The following TUSC3 variants were observed in gnomAD, a reference collection of about 807,000 sequenced individuals.
TUSC3 encodes the protein dolichyl-diphosphooligosaccharide--protein glycosyltransferase subunit TUSC3.
Under a neutral mutation model 44.8 loss-of-function variants are expected in TUSC3, and 45 were observed. That is an observed-to-expected ratio of 1.00 (90% CI 0.79 to 1.29). The LOEUF is 1.29. TUSC3 is among the 50% of genes most tolerant of loss of function. The pLI, the probability that TUSC3 is intolerant of heterozygous loss-of-function variation, is 0.00. For missense variants in TUSC3, 519 were observed against 437.9 expected, an observed-to-expected ratio of 1.19 and a Z score of -1.65; for synonymous variants, 212 against 152.9, an observed-to-expected ratio of 1.39 and a Z score of -2.85.
At chr8:15,607,218 A>T (rs1040438572) in intron 1 of TUSC3, among the ~76,000 whole-genome samples, 1 of 152,194 alleles carries the variant, frequency 6.6e-6, no homozygotes, top group Admixed American at 6.6e-5. Context: ...TATTTTCAGT[A>T]CATTTTTTTC....
At chr8:15,759,035 G>A (rs539657565) in intron 10 of TUSC3, among the ~76,000 whole-genome samples, 55 of 152,260 alleles carry the variant, frequency 3.6e-4, no homozygotes, top group Non-Finnish European at 6.5e-4. Flanking sequence ...TTCTAGCTAA[G>A]GGCCACAATG....
intron 1 of TUSC3, among the ~76,000 whole-genome samples, chr8:15,556,503 C>A (rs1182792125): frequency 2.6e-5 from 4 of 151,068 alleles, no homozygotes; most frequent in East Asian, 2.0e-4. Context: ...ATTTATAGTC[C>A]TTTGGGTATA....
At chr8:15,800,399 C>T in the TUSC3 span, among the ~76,000 whole-genome samples, 1 of 151,912 alleles carries the variant, frequency 6.6e-6, no homozygotes, top group Non-Finnish European at 1.5e-5. Flanking sequence ...ATAGTGAAAA[C>T]CCGTATCTAC....
At chr8:15,499,936 C>T (rs1301287782) in intron 2 of TUSC3, among the ~76,000 whole-genome samples, 1 of 152,188 alleles carries the variant, frequency 6.6e-6, no homozygotes, top group Non-Finnish European at 1.5e-5. Context: ...CAGATGAATA[C>T]ACTTGGCAAT....
At chr8:15,674,882 A>G (rs1238102955) in intron 6 of TUSC3, among the ~76,000 whole-genome samples, 3 of 152,080 alleles carry the variant, frequency 2.0e-5, no homozygotes, top group Admixed American at 2.0e-4. Flanking sequence ...AAGCAATTTT[A>G]GAGCAATAAA....
At chr8:15,836,346 C>T in the TUSC3 span, among the ~76,000 whole-genome samples, 11 of 151,074 alleles carry the variant, frequency 7.3e-5, no homozygotes, top group Admixed American at 1.3e-4. Context: ...ATTGCGCTGG[C>T]GGGTGCCTGT....
At chr8:15,705,186 A>C (rs1010963576) in intron 6 of TUSC3, among the ~76,000 whole-genome samples, 1 of 151,934 alleles carries the variant, frequency 6.6e-6, no homozygotes, top group Non-Finnish European at 1.5e-5. Flanking sequence ...CAATTATTCT[A>C]AAGAAAGAGT....
intron 1 of TUSC3, among the ~76,000 whole-genome samples, chr8:15,473,266 A>G (rs867756875): frequency 6.6e-6 from 1 of 152,350 alleles, no homozygotes. Flanking sequence ...TTAAAGTATT[A>G]TATGATTATT....
chr8:15,453,647 C>G (rs566409340), intron 1 of TUSC3, among the ~76,000 whole-genome samples: 4 of 152,268 alleles, frequency 2.6e-5, no homozygotes, highest in Admixed American at 1.3e-4. Context: ...ACAAACACAA[C>G]TTAAATATAT....
chr8:15,438,243 C>T (rs5006321), intron 1 of TUSC3, among the ~76,000 whole-genome samples: 24,803 of 151,856 alleles, frequency 0.16, 2,081 homozygotes, highest in Middle Eastern at 0.23. Flanking sequence ...TACAGGCATG[C>T]GCCACCACGC....
intron 1 of TUSC3, among the ~76,000 whole-genome samples, chr8:15,453,979 G>A (rs1800224921): frequency 6.6e-6 from 1 of 152,174 alleles, no homozygotes; most frequent in African/African-American, 2.4e-5. Context: ...CAAAATGGCA[G>A]AGATTAACTG....
intron 2 of TUSC3, among the ~76,000 whole-genome samples, chr8:15,523,758 T>C (rs1337018506): frequency 7.1e-6 from 1 of 140,752 alleles, no homozygotes; most frequent in Non-Finnish European, 1.5e-5. Flanking sequence ...ATGAGATAAA[T>C]TAGAAAGTAA....
the TUSC3 span, among the ~76,000 whole-genome samples, chr8:15,799,254 C>G: frequency 6.6e-6 from 1 of 152,182 alleles, no homozygotes; most frequent in East Asian, 1.9e-4. Context: ...TAGCACATGT[C>G]TCAAGGGAAC....
chr8:15,595,757 T>A (rs1255147397), intron 1 of TUSC3, among the ~76,000 whole-genome samples: 3 of 152,214 alleles, frequency 2.0e-5, no homozygotes, highest in African/African-American at 7.2e-5. Flanking sequence ...GCTTTCTACT[T>A]CTGTAAGATT....
intron 1 of TUSC3, among the ~76,000 whole-genome samples, chr8:15,460,369 C>CA (rs1285243227): frequency 7.9e-5 from 12 of 151,960 alleles, no homozygotes; most frequent in Admixed American, 7.9e-4. Flanking sequence ...GTTATTAGCC[C>CA]AGTTTTCTAT....
the TUSC3 span, among the ~76,000 whole-genome samples, chr8:15,775,267 A>C: frequency 1.3e-5 from 2 of 152,064 alleles, no homozygotes; most frequent in Admixed American, 6.6e-5. Context: ...AAACTCCTAC[A>C]CAAAAAGCAG....
chr8:15,530,507 C>T (rs572519901), intron 2 of TUSC3, among the ~76,000 whole-genome samples: 74 of 152,216 alleles, frequency 4.9e-4, no homozygotes, highest in African/African-American at 1.8e-3. Flanking sequence ...AATAAAGAAA[C>T]TGAGCACAGA....
chr8:15,677,352 A>G (rs957724742), intron 6 of TUSC3, among the ~76,000 whole-genome samples: 11 of 152,174 alleles, frequency 7.2e-5, no homozygotes, highest in Admixed American at 6.5e-4. Flanking sequence ...AATCTGTGAC[A>G]TTTTATATGC....
At chr8:15,842,320 C>T in the TUSC3 span, among the ~76,000 whole-genome samples, 1 of 152,178 alleles carries the variant, frequency 6.6e-6, no homozygotes, top group African/African-American at 2.4e-5. Context: ...CCGCCAGCCT[C>T]ATCATCTATA....
Sources: gnomAD v4.1 joint callset for allele counts (sites outside exome capture counted in the v4.1 genomes callset) on GRCh38, gnomAD v4.1.1 for gene constraint, MANE v1.5 for transcripts, NCBI Gene and HGNC (gene_info 2026-07-23, HGNC 2026-07-21) for gene names.